ARHGEF4: variants seen among roughly 807,000 people sequenced by gnomAD.
The protein encoded by ARHGEF4 is Rho guanine nucleotide exchange factor 4.
Under a neutral mutation model 162.0 loss-of-function variants are expected in ARHGEF4, and 119 were observed. That is an observed-to-expected ratio of 0.73 (90% CI 0.63 to 0.86). The LOEUF (loss-of-function observed/expected upper bound fraction) is 0.86, where lower values mean the gene tolerates loss of function less well. Among genes scored for constraint, ARHGEF4 ranks in the 40% least tolerant of loss-of-function variants. ARHGEF4 has a pLI of 0.00. For missense variants in ARHGEF4, 2,488 were observed against 2,456.0 expected, an observed-to-expected ratio of 1.01 and a Z score of -0.28; for synonymous variants, 1,014 against 979.9, an observed-to-expected ratio of 1.03 and a Z score of -0.65.
At chr2:131,007,653 T>C (rs900218448) in intron 4 of ARHGEF4, among the ~76,000 whole-genome samples, 4 of 152,076 alleles carry the variant, frequency 2.6e-5, no homozygotes, top group Non-Finnish European at 5.9e-5. Context: ...TGTATATCTA[T>C]GCCTTTTCAT....
chr2:130,944,453 T>C (rs992460642), intron 3 of ARHGEF4, among the ~76,000 whole-genome samples: 7 of 152,174 alleles, frequency 4.6e-5, no homozygotes, highest in Admixed American at 2.0e-4. Flanking sequence ...TGGGATTTTT[T>C]CCCCCCAACC....
chr2:130,901,342 C>T (rs899169878), intron 1 of ARHGEF4, among the ~76,000 whole-genome samples: 2 of 152,068 alleles, frequency 1.3e-5, no homozygotes. Flanking sequence ...GGTGTGGCCT[C>T]CCTGGGATCT....
chr2:131,012,264 C>T (rs1214611858), intron 4 of ARHGEF4, among the ~76,000 whole-genome samples: 2 of 152,080 alleles, frequency 1.3e-5, no homozygotes, highest in Non-Finnish European at 2.9e-5. Context: ...CAGTTTTCCC[C>T]TCCAAGGAGA....
At chr2:130,919,867 C>G (rs192463576) in intron 2 of ARHGEF4, among the ~76,000 whole-genome samples, 1 of 146,238 alleles carries the variant, frequency 6.8e-6, no homozygotes, top group African/African-American at 2.6e-5. Context: ...CAGAGTGAGA[C>G]TCCCTCTCAA....
chr2:130,997,176 G>C (rs1429787516), intron 4 of ARHGEF4, among the ~76,000 whole-genome samples: 1 of 152,172 alleles, frequency 6.6e-6, no homozygotes, highest in South Asian at 2.1e-4. Context: ...TTTAGGTCAA[G>C]TGGAGCCCCC....
At chr2:130,864,747 T>C (rs542247707) in intron 1 of ARHGEF4, among the ~76,000 whole-genome samples, 77 of 152,236 alleles carry the variant, frequency 5.1e-4, no homozygotes, top group African/African-American at 1.8e-3. Flanking sequence ...AAACAAAAAA[T>C]ACAGCAAGTA....
intron 4 of ARHGEF4, among the ~76,000 whole-genome samples, chr2:130,982,586 C>T (rs78460139): frequency 0.018 from 2,644 of 147,534 alleles, 80 homozygotes; most frequent in African/African-American, 0.063. Flanking sequence ...TCTCCTCCCC[C>T]TCCTCCTCCT....
At position 130,959,143 on chromosome 2, in the gene ARHGEF4, T is replaced by C. The variant is rs192785865; in HGVS notation, c.3985+12508T>C. On this transcript the variant is annotated intron_variant, in intron 4 of 13. Coordinates refer to ENST00000409359, the MANE Select transcript of ARHGEF4 (RefSeq NM_001367493.1). ...TTTTAGTAGAGATGGGGTTTCTCCATGTTGGCCAGGCTGGTCTCGAACTCC... is the reference window on the plus strand; with the variant it reads ...TTTTAGTAGAGATGGGGTTTCTCCACGTTGGCCAGGCTGGTCTCGAACTCC... Among the ~76,000 whole-genome samples, 4 of 152,150 alleles carry C rather than the reference T, an allele frequency of 2.6e-5. No individual in the cohort carries two copies. In the East Asian group the frequency reaches 7.7e-4, roughly 29 times the overall value.
chr2:130,850,257 C>T (rs1175282050), intron 1 of ARHGEF4, among the ~76,000 whole-genome samples: 1 of 152,218 alleles, frequency 6.6e-6, no homozygotes, highest in Non-Finnish European at 1.5e-5. Flanking sequence ...CTGTCTGTAC[C>T]TGAGGAAGGA....
In ARHGEF4 at chr2:130,931,138, C is replaced by A. The variant is rs367660031; in HGVS notation, c.3739C>A (p.Arg1247Ser). ...TTCACAGCCTAGGGGCATCCCTCAC[C>A]GCTCGCCCGTCAGTGTGGATGACCT... The part of the protein sequence containing the change: ...APSQPRGIPH[R>S]SPVSVDDLWL... Residue 1247 changes from arginine to serine, a missense_variant, in exon 3 of 14, where the codon CGC becomes AGC. Around this residue, in one of 6 missense-constraint regions of ARHGEF4, gnomAD observed 1,642 missense variants for 1,481.5 expected, o/e 1.11. Transcript: ENST00000409359. The A allele has an allele frequency of 6.2e-7, 1 of 1,614,056 alleles. No individual in the cohort carries two copies. Among genetic ancestry groups the A allele is most frequent in the Non-Finnish European group, 8.5e-7 (1 of 1,180,024 alleles).
chr2:130,896,588 G>A (rs1680174221), intron 1 of ARHGEF4, among the ~76,000 whole-genome samples: 1 of 152,262 alleles, frequency 6.6e-6, no homozygotes, highest in African/African-American at 2.4e-5. Context: ...GAGGCCCAGA[G>A]AGGATGGCTA....
At chr2:131,024,089 G>A (rs1252038826) in intron 4 of ARHGEF4, among the ~76,000 whole-genome samples, 8 of 152,114 alleles carry the variant, frequency 5.3e-5, no homozygotes, top group Admixed American at 2.6e-4. Context: ...AGTGCCATAC[G>A]CCTATACACA....
At chr2:130,933,369 GTCT>G (rs1329882312) in intron 3 of ARHGEF4, among the ~76,000 whole-genome samples, 1 of 152,168 alleles carries the variant, frequency 6.6e-6, no homozygotes, top group East Asian at 1.9e-4. Flanking sequence ...GAATGTGAGA[GTCT>G]TCTTTGTTCT....
At chr2:130,892,058 C>T (rs1053578939) in intron 1 of ARHGEF4, among the ~76,000 whole-genome samples, 4 of 152,160 alleles carry the variant, frequency 2.6e-5, no homozygotes, top group Non-Finnish European at 5.9e-5. Context: ...TTCCTGGGTG[C>T]AAGTGCTCCT....
At chr2:130,867,722 A>T (rs7573895) in intron 1 of ARHGEF4, among the ~76,000 whole-genome samples, 7 of 151,576 alleles carry the variant, frequency 4.6e-5, no homozygotes, top group Admixed American at 4.6e-4. Context: ...GGGCTTTCTC[A>T]TCTGTGCCCT....
chr2:130,852,632 G>A (rs958559563), intron 1 of ARHGEF4, among the ~76,000 whole-genome samples: 3 of 152,204 alleles, frequency 2.0e-5, no homozygotes, highest in South Asian at 2.1e-4. Context: ...GCACGGAGGC[G>A]AGCGAGCACG....
At chr2:130,848,005 G>T (rs1681118340) in intron 1 of ARHGEF4, among the ~76,000 whole-genome samples, 1 of 152,252 alleles carries the variant, frequency 6.6e-6, no homozygotes, top group Non-Finnish European at 1.5e-5. Flanking sequence ...GGCCACGGGT[G>T]TGAGGGAGCC....
intron 4 of ARHGEF4, chr2:130,964,362 C>G: frequency 1.8e-6 from 1 of 562,916 alleles, no homozygotes; most frequent in Non-Finnish European, 2.3e-6. Context: ...TTCTGCCTGT[C>G]GTTTCCATCT....
At chr2:130,895,580 C>T (rs1210609349) in intron 1 of ARHGEF4, among the ~76,000 whole-genome samples, 4 of 152,146 alleles carry the variant, frequency 2.6e-5, no homozygotes, top group African/African-American at 9.7e-5. Flanking sequence ...ATGTATATTT[C>T]CCTAATGACT....
Sources: gnomAD v4.1 joint callset for allele counts (sites outside exome capture counted in the v4.1 genomes callset) on GRCh38, gnomAD v4.1.1 for gene constraint, gnomAD v4.1.1 regional missense constraint, MANE v1.5 for transcripts, NCBI Gene and HGNC (gene_info 2026-07-23, HGNC 2026-07-21) for gene names.